The following DOCK4 variants were observed in gnomAD, a reference collection of about 807,000 sequenced individuals.
The protein encoded by DOCK4 is dedicator of cytokinesis 4, also known as dedicator of cytokinesis protein 4.
In DOCK4, 97 loss-of-function variants were observed where a neutral mutation model predicts 268.1. That is an observed-to-expected ratio of 0.36 (90% CI 0.31 to 0.43). DOCK4 has a LOEUF of 0.43. Ranked by LOEUF, DOCK4 falls within the 20% of genes least tolerant of loss-of-function variation. The pLI, the probability that DOCK4 is intolerant of heterozygous loss-of-function variation, is 1.00. For synonymous variants in DOCK4, 954 were observed against 887.2 expected, an observed-to-expected ratio of 1.08 and a Z score of -1.34; for missense variants, 2,145 against 2,455.7, an observed-to-expected ratio of 0.87 and a Z score of 2.67.
At chr7:111,751,757 A>ATT (rs530562921) in intron 42 of DOCK4, among the ~76,000 whole-genome samples, 8,086 of 149,030 alleles carry the variant, frequency 0.054, 263 homozygotes, top group Middle Eastern at 0.076. Flanking sequence ...AAAATATATA[A>ATT]TTTTTTTTTT....
intron 20 of DOCK4, 80 bp from the exon 21 acceptor site, chr7:111,869,735 A>ATATCATGAG (rs2134223584): frequency 8.5e-7 from 1 of 1,176,884 alleles, no homozygotes; most frequent in South Asian, 1.3e-5. Flanking sequence ...ACTCTTAACT[A>ATATCATGAG]TATCATGAGG....
At chr7:111,888,880 G>A (rs147246745) in intron 16 of DOCK4, among the ~76,000 whole-genome samples, 46 of 152,234 alleles carry the variant, frequency 3.0e-4, no homozygotes, top group Non-Finnish European at 5.3e-4. Context: ...TCTGGAAAGC[G>A]TTAGGGTATT....
rs1803962220 is a variant in DOCK4 at position 111,844,788 on chromosome 7, A to G, written c.2711T>C (p.Met904Thr). The change falls in exon 25 of 53, where the codon ATG (methionine) becomes ACG (threonine). Residue 904 changes from methionine to threonine, a missense_variant. Physicochemically the swap from Met to Thr is moderately conservative, Grantham distance 81. Coordinates refer to ENST00000428084, the MANE Select transcript of DOCK4 (RefSeq NM_001363540.2). ...AGTGACATCCTGGAACTGGAACCGC[A>G]TTGCTGAGCTGGATGGCTGAGGTCG... Reference protein sequence around the residue: ...TSRPQPSSSAMRFQFQDVTGE... With the variant: ...TSRPQPSSSATRFQFQDVTGE... 4 of 1,613,552 alleles carry G rather than the reference A, an allele frequency of 2.5e-6. No individual in the cohort carries two copies. The African/African-American group carries it at 4.0e-5, about 16-fold the overall frequency.
At chr7:112,069,697 T>A (rs1339215554) in intron 1 of DOCK4, among the ~76,000 whole-genome samples, 2 of 152,156 alleles carry the variant, frequency 1.3e-5, no homozygotes, top group Non-Finnish European at 2.9e-5. Context: ...GACAAGAGCA[T>A]GGACTGGTAT....
intron 29 of DOCK4, 72 bp from the exon 30 acceptor site, chr7:111,808,951 T>C (rs1459736693): frequency 6.7e-7 from 1 of 1,500,766 alleles, no homozygotes; most frequent in Non-Finnish European, 9.1e-7. Flanking sequence ...GTCTTTAGGA[T>C]ACAATCTATC....
chr7:111,919,347 C>T lies in DOCK4; in HGVS notation c.1067-3443G>A, dbSNP rs180915120. On this transcript the variant is annotated intron_variant, in intron 12 of 52. Transcript: ENST00000428084. ...TCAGTGTTCTCTAGAGAGCAAGGGC[C>T]ACAGAGGGGAGAGAGTGCAAAAGGA... is the stretch of plus-strand genomic sequence containing the variant. Among the ~76,000 whole-genome samples the T allele has an allele frequency of 6.3e-4, 96 of 151,932 alleles. 1 individual carries two copies. The highest frequency in any genetic ancestry group is 2.2e-3 in the African/African-American group (93 of 41,432).
intron 15 of DOCK4, among the ~76,000 whole-genome samples, chr7:111,900,124 T>C (rs961915019): frequency 1.3e-5 from 2 of 152,164 alleles, no homozygotes; most frequent in African/African-American, 2.4e-5. Context: ...TCCTAGTGGG[T>C]TTCCCCAATC....
chr7:111,980,792 G>T (rs1798550663), intron 7 of DOCK4, among the ~76,000 whole-genome samples: 1 of 152,196 alleles, frequency 6.6e-6, no homozygotes, highest in Non-Finnish European at 1.5e-5. Context: ...TTCCCTCTGA[G>T]ATCTGCTAGT....
At chr7:112,016,582 C>T (rs1214782361) in intron 1 of DOCK4, among the ~76,000 whole-genome samples, 1 of 152,158 alleles carries the variant, frequency 6.6e-6, no homozygotes, top group African/African-American at 2.4e-5. Flanking sequence ...TGCCTTGCAA[C>T]CTTAGCCATT....
intron 1 of DOCK4, among the ~76,000 whole-genome samples, chr7:112,150,567 C>T (rs939589907): frequency 6.6e-6 from 1 of 152,164 alleles, no homozygotes; most frequent in African/African-American, 2.4e-5. Context: ...GCTTTGTAAA[C>T]CTCTTGAGGT....
At chr7:111,985,285 A>G (rs146933769) in intron 6 of DOCK4, among the ~76,000 whole-genome samples, 1 of 152,194 alleles carries the variant, frequency 6.6e-6, no homozygotes, top group African/African-American at 2.4e-5. Flanking sequence ...GTAATGCCCT[A>G]TCGATCAAGG....
intron 44 of DOCK4, among the ~76,000 whole-genome samples, chr7:111,743,990 T>TG (rs1563441403): frequency 6.6e-6 from 1 of 152,120 alleles, no homozygotes; most frequent in Non-Finnish European, 1.5e-5. Context: ...CAGCTAGTTT[T>TG]TAGGTTTTTG....
At chr7:111,947,889 A>G (rs867052968) in intron 8 of DOCK4, among the ~76,000 whole-genome samples, 6 of 151,896 alleles carry the variant, frequency 4.0e-5, no homozygotes, top group South Asian at 2.1e-4. Flanking sequence ...ACACTCGGCT[A>G]ATTTTTGTAA....
At chr7:111,990,400 T>G (rs1206044756) in intron 5 of DOCK4, among the ~76,000 whole-genome samples, 1 of 152,234 alleles carries the variant, frequency 6.6e-6, no homozygotes, top group Non-Finnish European at 1.5e-5. Context: ...AGTAGTGATA[T>G]GAAAGTACTG....
Position 111,728,211 on chromosome 7 carries a change from C to T in DOCK4, c.*63G>A, listed in dbSNP as rs2133340069. 1.5e-6 allele frequency: 2 copies of T among 1,299,518 alleles called. No individual in the cohort carries two copies. Among genetic ancestry groups the T allele is most frequent in the South Asian group, 2.2e-5 (1 of 46,088 alleles). 80.5% of individuals were successfully genotyped at this position (1,299,518 alleles called of 1,614,324 possible). On this transcript the variant is annotated 3_prime_UTR_variant, in exon 53 of 53. Transcript: ENST00000428084. ...TTAAAGTGCCTACACTAAATGTCTT[C>T]TCATCATACTTCTTATTTTGTAAAC...
In DOCK4 at chr7:111,746,346, C is replaced by G. The variant is rs1382522500; in HGVS notation, c.4665G>C (p.Leu1555=). The G allele has an allele frequency of 2.5e-6, 4 of 1,612,656 alleles. No individual in the cohort carries two copies. Among genetic ancestry groups the G allele is most frequent in the South Asian group, 1.1e-5 (1 of 90,616 alleles). Residue 1555 remains leucine, a synonymous_variant, in exon 44 of 53, where the codon CTG becomes CTC. Coordinates refer to ENST00000428084, the MANE Select transcript of DOCK4 (RefSeq NM_001363540.2). ...CTGCTTCCCTTACCTGCTCAAGCAT[C>G]AGCTCTCTTAATCGTGCAATTTTCT... ...DGEKIARLRE[L]MLEQAQILEF... is the part of the protein sequence containing the mutation.
intron 1 of DOCK4, among the ~76,000 whole-genome samples, chr7:112,126,446 G>A (rs987455529): frequency 3.3e-5 from 5 of 152,094 alleles, no homozygotes; most frequent in East Asian, 1.9e-4. Context: ...TCAGCTCCCC[G>A]CTTAGTGTCT....
At chr7:112,102,468 T>C (rs1468883481) in intron 1 of DOCK4, among the ~76,000 whole-genome samples, 1 of 152,168 alleles carries the variant, frequency 6.6e-6, no homozygotes, top group Non-Finnish European at 1.5e-5. Flanking sequence ...AATTAATATG[T>C]TAAAATCCTA....
chr7:111,867,885 G>T (rs1055011008), intron 22 of DOCK4, 99 bp downstream of exon 22: 4 of 1,182,078 alleles, frequency 3.4e-6, no homozygotes, highest in Non-Finnish European at 4.5e-6. Flanking sequence ...TGGAGCAATT[G>T]ACTTCTGATG....
Sources: allele counts gnomAD v4.1 joint callset (sites outside exome capture counted in the v4.1 genomes callset), GRCh38; gene constraint gnomAD v4.1.1; transcripts MANE v1.5; gene names NCBI Gene and HGNC (gene_info 2026-07-23, HGNC 2026-07-21).